Variants in HOGA1 observed in about 807,000 individuals in gnomAD.
HOGA1 encodes 4-hydroxy-2-oxoglutarate aldolase, mitochondrial.
Under a neutral mutation model 34.3 loss-of-function variants are expected in HOGA1, and 30 were observed. That is an observed-to-expected ratio of 0.87 (90% CI 0.65 to 1.19). HOGA1 has a LOEUF of 1.19. HOGA1 is among the 50% of genes most tolerant of loss of function. HOGA1 has a pLI of 0.00. For missense variants in HOGA1, 417 were observed against 436.5 expected (o/e 0.96, Z 0.40); for synonymous variants, 161 against 174.0 (o/e 0.93, Z 0.59).
intron 6 of HOGA1, among the ~76,000 whole-genome samples, chr10:97,606,156 C>A: frequency 7.4e-6 from 1 of 135,090 alleles, no homozygotes; most frequent in African/African-American, 2.8e-5. Flanking sequence ...AAAAAATTAG[C>A]TGCGGGTAGT....
chr10:97,611,764 G>T lies in HOGA1; in HGVS notation c.*105G>T. The T allele has an allele frequency of 7.3e-7, 1 of 1,378,674 alleles. No individual in the cohort carries two copies. The highest frequency in any genetic ancestry group is 9.9e-7 in the Non-Finnish European group (1 of 1,006,930). 85.4% of individuals were successfully genotyped at this position (1,378,674 alleles called of 1,614,324 possible). A position where few individuals can be genotyped will look rare whatever the true frequency, so the allele number is the denominator to read the frequency against. On this transcript the variant is annotated 3_prime_UTR_variant, in exon 7 of 7. Transcript: ENST00000370646. ...GGGGATGAGGGTGGCAGGCAGCGGGGAGCCGATAGAGGCTCCTTTGCCTGC... is the reference window on the plus strand; with the variant it reads ...GGGGATGAGGGTGGCAGGCAGCGGGTAGCCGATAGAGGCTCCTTTGCCTGC...
intron 6 of HOGA1, among the ~76,000 whole-genome samples, chr10:97,604,141 A>G (rs957239517): frequency 6.6e-6 from 1 of 152,138 alleles, no homozygotes; most frequent in Non-Finnish European, 1.5e-5. Flanking sequence ...CCATTTTATA[A>G]TTTTGTCAGT....
intron 2 of HOGA1, 23 bp downstream of exon 2, chr10:97,598,926 C>T: frequency 6.2e-7 from 1 of 1,613,184 alleles, no homozygotes; most frequent in Non-Finnish European, 8.5e-7. Context: ...GCCCTGGGCC[C>T]TGGGGGTGGG....
At position 97,611,704 on chromosome 10, in the gene HOGA1, T is replaced by C. The variant is rs1483532418; in HGVS notation, c.*45T>C. 1.3e-6 allele frequency: 2 copies of C among 1,589,510 alleles called. No homozygotes were observed. The highest frequency in any genetic ancestry group is 3.6e-5 in the Admixed American group (2 of 56,208). ...CTGGCCTGAGCCCATCTCAGCCTCC[T>C]GCCTTGCACTTGCAGCCTGAAGCGG... On this transcript the variant is annotated 3_prime_UTR_variant, in exon 7 of 7. Transcript: ENST00000370646.
At chr10:97,589,867 G>T (rs1401989454) in intron 1 of HOGA1, 1 of 1,566,848 alleles carries the variant, frequency 6.4e-7, no homozygotes, top group African/African-American at 1.4e-5. Flanking sequence ...TGGTGCTGGG[G>T]ACTGCCCTCT....
intron 1 of HOGA1, among the ~76,000 whole-genome samples, chr10:97,591,418 T>G: frequency 6.6e-6 from 1 of 151,708 alleles, no homozygotes; most frequent in Non-Finnish European, 1.5e-5. Context: ...TTTAACTTAA[T>G]TTAATTTAAT....
At chr10:97,601,386 ACT>A (rs770566501) in intron 5 of HOGA1, among the ~76,000 whole-genome samples, 4 of 151,918 alleles carry the variant, frequency 2.6e-5, no homozygotes, top group South Asian at 2.1e-4. Flanking sequence ...TGGTGACCTG[ACT>A]CTGTCCAGAG....
At chr10:97,591,817 T>TTG (rs56742680) in intron 1 of HOGA1, among the ~76,000 whole-genome samples, 10,291 of 110,906 alleles carry the variant, frequency 0.093, 520 homozygotes, top group East Asian at 0.21. Flanking sequence ...TTCTTTCATT[T>TTG]TGTGTGTGTG....
chr10:97,611,230 C>A (rs929979167), intron 6 of HOGA1, among the ~76,000 whole-genome samples: 2 of 152,206 alleles, frequency 1.3e-5, no homozygotes, highest in African/African-American at 2.4e-5. Context: ...GCTTGAGGAC[C>A]AAATACCACT....
At chr10:97,592,264 G>T (rs1165798306) in intron 1 of HOGA1, among the ~76,000 whole-genome samples, 4 of 132,946 alleles carry the variant, frequency 3.0e-5, no homozygotes, top group African/African-American at 5.5e-5. Context: ...TTTTTGAGAC[G>T]GAGTCTTGCT....
At position 97,599,213 on chromosome 10, in the gene HOGA1, C is replaced by T. The variant is rs143941858; in HGVS notation, c.465C>T (p.Thr155=). The T allele has an allele frequency of 9.9e-6, 16 of 1,613,788 alleles. No individual in the cohort carries two copies. The highest frequency in any genetic ancestry group is 8.0e-5 in the African/African-American group (6 of 74,888). The change falls in exon 3 of 7, where the codon ACC becomes ACT. Residue 155 remains threonine, a synonymous_variant. Transcript: ENST00000370646. The part of the protein sequence containing the change: ...MSSAALIHHY[T]KVADLSPIPV... ...GTGCGGCCCTCATTCACCACTACAC[C>T]AAGGTGTGTGTGAGGCCTGAGACCA... is the stretch of plus-strand genomic sequence containing the variant.
intron 1 of HOGA1, among the ~76,000 whole-genome samples, chr10:97,585,285 G>A (rs2040959921): frequency 6.6e-6 from 1 of 152,138 alleles, no homozygotes; most frequent in African/African-American, 2.4e-5. Context: ...TGGCAGCCCA[G>A]CCACAGTCCC....
rs574289283 is a variant in HOGA1, at chr10:97,599,163, T to C, written c.415T>C (p.Cys139Arg). Residue 139 changes from cysteine to arginine, a missense_variant, in exon 3 of 7, where the codon TGC becomes CGC. Coordinates refer to ENST00000370646, the MANE Select transcript of HOGA1 (RefSeq NM_138413.4). Reference protein sequence around the residue: ...GADAAMVVTPCYYRGRMSSAA... With the variant: ...GADAAMVVTPRYYRGRMSSAA... ...TGACGCGGCCATGGTGGTGACCCCT[T>C]GCTACTATCGTGGCCGCATGAGCAG... 6.2e-7 allele frequency: 1 copy of C among 1,613,816 alleles called. No individual in the cohort carries two copies. Among genetic ancestry groups the C allele is most frequent in the Non-Finnish European group, 8.5e-7 (1 of 1,180,040 alleles).
Position 97,603,752 on chromosome 10 carries a change from G to A in HOGA1, c.834+1762G>A, listed in dbSNP as rs1430386406. On this transcript the variant is annotated intron_variant, in intron 6 of 6. Transcript: ENST00000370646. The surrounding 1 kb of genome is among the most constrained non-coding windows in gnomAD (Gnocchi z 4.5). ...TAATTTTTGTGCTTTTAGTGAAGAC[G>A]GGTTTCACCATGTTGGCCAGGCTGG... Among the ~76,000 whole-genome samples, 6 of 151,884 alleles carry A rather than the reference G, an allele frequency of 4.0e-5. No individual in the cohort carries two copies. Among genetic ancestry groups the A allele is most frequent in the African/African-American group, 7.3e-5 (3 of 41,328 alleles).
chr10:97,590,344 C>T (rs777584853), intron 1 of HOGA1: 2 of 1,614,046 alleles, frequency 1.2e-6, no homozygotes, highest in African/African-American at 1.3e-5. Context: ...TGCAGCGGGC[C>T]ATAGCTTACC....
At chr10:97,585,008 C>T (rs2040957072) in intron 1 of HOGA1, 94 bp downstream of exon 1, 3 of 1,022,490 alleles carry the variant, frequency 2.9e-6, no homozygotes, top group Non-Finnish European at 4.5e-6. Flanking sequence ...TCAAGCTGTC[C>T]AGGGATAGTC....
intron 6 of HOGA1, 98 bp from the exon 7 acceptor site, chr10:97,611,412 G>A (rs958600224): frequency 7.2e-7 from 1 of 1,387,278 alleles, no homozygotes; most frequent in African/African-American, 1.4e-5. Flanking sequence ...GGGGGAAGAG[G>A]GTAGGACTTC....
At chr10:97,592,284 A>C (rs949581902) in intron 1 of HOGA1, among the ~76,000 whole-genome samples, 1 of 134,636 alleles carries the variant, frequency 7.4e-6, no homozygotes, top group South Asian at 2.3e-4. Context: ...TCTGTGGCCC[A>C]GGCTGGAGTG....
chr10:97,595,104 C>A (rs943476518), intron 1 of HOGA1, among the ~76,000 whole-genome samples: 1 of 152,176 alleles, frequency 6.6e-6, no homozygotes, highest in Admixed American at 6.5e-5. Flanking sequence ...CAGCCCCAAA[C>A]GCCCACTCCC....
Sources: allele counts gnomAD v4.1 joint callset (sites outside exome capture counted in the v4.1 genomes callset), GRCh38; gene constraint gnomAD v4.1.1; non-coding constraint Gnocchi (gnomAD v3.1); transcripts MANE v1.5; gene names NCBI Gene and HGNC (gene_info 2026-07-23, HGNC 2026-07-21).